The following TMEM182 variants were observed in gnomAD, a reference collection of about 807,000 sequenced individuals.
TMEM182 encodes the protein transmembrane protein 182.
In TMEM182, 20 loss-of-function variants were observed where a neutral mutation model predicts 26.8. The observed-to-expected ratio is 0.75, with a 90% CI of 0.53 to 1.09. The LOEUF (loss-of-function observed/expected upper bound fraction) is 1.09. Among genes scored for constraint, TMEM182 ranks in the 50% least tolerant of loss-of-function variants. The pLI, the probability that TMEM182 is intolerant of heterozygous loss-of-function variation, is 0.00. For missense variants in TMEM182, 277 were observed against 275.5 expected (o/e 1.01, Z -0.04); for synonymous variants, 109 against 102.2 (o/e 1.07, Z -0.40).
chr2:102,791,690 T>C (rs2104716017), intron 3 of TMEM182, among the ~76,000 whole-genome samples: 1 of 152,340 alleles, frequency 6.6e-6, no homozygotes, highest in African/African-American at 2.4e-5. Context: ...ATTGTATAGA[T>C]TACATGTAAA....
chr2:102,785,084 G>A (rs1681333379), intron 3 of TMEM182, among the ~76,000 whole-genome samples: 1 of 152,038 alleles, frequency 6.6e-6, no homozygotes, highest in Non-Finnish European at 1.5e-5. Flanking sequence ...ATGCAACTTG[G>A]GCCAAAATGT....
At chr2:102,836,369 C>G (rs933476682) in intron 3 of TMEM182, among the ~76,000 whole-genome samples, 3 of 152,158 alleles carry the variant, frequency 2.0e-5, no homozygotes, top group Non-Finnish European at 2.9e-5. Context: ...ATGAGAATGC[C>G]TGTTGTTCCA....
At position 102,762,257 on chromosome 2, in the gene TMEM182, G is replaced by C. The variant is rs1465071730; in HGVS notation, c.40G>C (p.Gly14Arg). The C allele has an allele frequency of 2.5e-6, 4 of 1,613,238 alleles. No individual in the cohort carries two copies. The highest frequency in any genetic ancestry group is 3.4e-6 in the Non-Finnish European group (4 of 1,179,722). Reference protein sequence around the residue: ...NIAIFFGALFGALGVLLFLVA... With the variant: ...NIAIFFGALFRALGVLLFLVA... Reference sequence around the variant, plus strand: ...CGCTATCTTCTTTGGAGCTCTCTTTGGTGCTTTGGGGGTGTTACTCTTTTT... The same window carrying C: ...CGCTATCTTCTTTGGAGCTCTCTTTCGTGCTTTGGGGGTGTTACTCTTTTT... The change falls in exon 1 of 5, where the codon GGT becomes CGT. Residue 14 changes from glycine to arginine, a missense_variant. Transcript: ENST00000412401.
chr2:102,782,212 A>G, intron 3 of TMEM182, among the ~76,000 whole-genome samples: 1 of 152,132 alleles, frequency 6.6e-6, no homozygotes, highest in Admixed American at 6.5e-5. Context: ...AGGCTGAGGC[A>G]GGAGAATCAC....
chr2:102,831,944 G>T (rs1683157920), intron 3 of TMEM182, among the ~76,000 whole-genome samples: 1 of 152,144 alleles, frequency 6.6e-6, no homozygotes, highest in Admixed American at 6.5e-5. Context: ...CATAGGACAA[G>T]GCTTACAGTT....
At chr2:102,836,136 C>T (rs546486167) in intron 3 of TMEM182, among the ~76,000 whole-genome samples, 112 of 152,194 alleles carry the variant, frequency 7.4e-4, no homozygotes, top group African/African-American at 2.5e-3. Context: ...CTCTTTGCCC[C>T]GTGAAGGATA....
chr2:102,829,985 G>A (rs964617160), intron 3 of TMEM182, among the ~76,000 whole-genome samples: 53 of 152,328 alleles, frequency 3.5e-4, no homozygotes, highest in African/African-American at 1.2e-3. Flanking sequence ...AGTGAGAGTT[G>A]AAGGGTAAAG....
chr2:102,738,565 C>G (rs1679444184), intron 1 of TMEM182, among the ~76,000 whole-genome samples: 1 of 152,098 alleles, frequency 6.6e-6, no homozygotes, highest in Admixed American at 6.5e-5. Flanking sequence ...GCACTCCAGC[C>G]TGGCAACAGA....
intron 3 of TMEM182, among the ~76,000 whole-genome samples, chr2:102,779,438 T>C (rs1406125817): frequency 2.0e-5 from 3 of 152,186 alleles, no homozygotes; most frequent in Admixed American, 6.5e-5. Flanking sequence ...TCTTCTGCTC[T>C]TCTGAGATTT....
downstream of TMEM182, among the ~76,000 whole-genome samples, chr2:102,820,845 T>C (rs530976291): frequency 6.6e-6 from 1 of 152,280 alleles, no homozygotes; most frequent in South Asian, 2.1e-4. Context: ...GTGAATTAGA[T>C]AGAGGTTGAG....
chr2:102,751,359 A>T (rs1361828308), intron 1 of TMEM182, among the ~76,000 whole-genome samples: 1 of 152,138 alleles, frequency 6.6e-6, no homozygotes, highest in Non-Finnish European at 1.5e-5. Flanking sequence ...CTTATTATGC[A>T]AATAAGCTTT....
chr2:102,838,753 G>A (rs1350886615), intron 3 of TMEM182, among the ~76,000 whole-genome samples: 2 of 152,174 alleles, frequency 1.3e-5, no homozygotes, highest in East Asian at 3.8e-4. Context: ...ATGGCCTGTG[G>A]TGAAATGAAT....
At chr2:102,795,431 A>T (rs568906063) in intron 3 of TMEM182, among the ~76,000 whole-genome samples, 36 of 152,318 alleles carry the variant, frequency 2.4e-4, no homozygotes, top group Middle Eastern at 3.4e-3. Context: ...GTTGATTTTT[A>T]AAAAATTTGA....
chr2:102,762,324 T>TG lies in TMEM182; in HGVS notation c.111dup (p.Arg38GlufsTer5). ...GATTATTGGCTTCTTGCAACTGAAG[T>TG]GGGGAGATGTTCAGGTGAAAAGAAT... On this transcript the variant is annotated frameshift_variant, in exon 1 of 5. Transcript: ENST00000412401. LOFTEE classifies it high-confidence loss of function. 2 of 1,613,882 alleles carry TG rather than the reference T, an allele frequency of 1.2e-6. No individual in the cohort carries two copies. Among genetic ancestry groups the TG allele is most frequent in the Non-Finnish European group, 1.7e-6 (2 of 1,179,908 alleles).
chr2:102,813,794 C>T (rs748802378), intron 4 of TMEM182, among the ~76,000 whole-genome samples: 1 of 152,118 alleles, frequency 6.6e-6, no homozygotes, highest in Admixed American at 6.6e-5. Context: ...CATCTAATTC[C>T]AAGAGTGTTT....
At chr2:102,784,415 A>G (rs887376514) in intron 3 of TMEM182, among the ~76,000 whole-genome samples, 2 of 152,106 alleles carry the variant, frequency 1.3e-5, no homozygotes, top group Non-Finnish European at 2.9e-5. Flanking sequence ...CCAGACTGCA[A>G]GCATTTTGTC....
chr2:102,783,038 C>G (rs1173526555), intron 3 of TMEM182, among the ~76,000 whole-genome samples: 2 of 152,128 alleles, frequency 1.3e-5, no homozygotes, highest in Non-Finnish European at 2.9e-5. Context: ...AGTGAAATGT[C>G]TTATGGAAAG....
At chr2:102,767,063 C>T (rs1393577932) in intron 3 of TMEM182, among the ~76,000 whole-genome samples, 6 of 152,064 alleles carry the variant, frequency 3.9e-5, no homozygotes, top group South Asian at 4.1e-4. Context: ...TTTGTTTCAT[C>T]GATAATCTAC....
intron 4 of TMEM182, among the ~76,000 whole-genome samples, chr2:102,805,241 T>C (rs1682303101): frequency 6.6e-6 from 1 of 152,246 alleles, no homozygotes; most frequent in Admixed American, 6.5e-5. Context: ...GTTGTTAGAA[T>C]CCATTTTAAA....
Sources: gnomAD v4.1 joint callset for allele counts (sites outside exome capture counted in the v4.1 genomes callset) on GRCh38, gnomAD v4.1.1 for gene constraint, MANE v1.5 for transcripts, NCBI Gene and HGNC (gene_info 2026-07-23, HGNC 2026-07-21) for gene names.